The following ERI1 variants were observed in gnomAD, a reference collection of about 807,000 sequenced individuals.
The protein encoded by ERI1 is exoribonuclease 1.
Under a neutral mutation model 39.7 loss-of-function variants are expected in ERI1, and 39 were observed. The observed-to-expected ratio is 0.98, with a 90% confidence interval of 0.76 to 1.28. ERI1 has a LOEUF of 1.28. ERI1 is among the 50% of genes most tolerant of loss of function. The probability of loss-of-function intolerance (pLI) is 0.00; values close to 1 mark genes in which losing one functional copy is unlikely to be tolerated. For synonymous variants in ERI1, 204 were observed against 149.6 expected, an observed-to-expected ratio of 1.36 and a Z score of -2.65; for missense variants, 581 against 416.9, an observed-to-expected ratio of 1.39 and a Z score of -3.43.
chr8:9,065,558 A>C (rs1420165950), intron 3 of ERI1, among the ~76,000 whole-genome samples: 1 of 151,806 alleles, frequency 6.6e-6, no homozygotes, highest in Non-Finnish European at 1.5e-5. Context: ...AGCCAGGCGT[A>C]GTGGGGGGCG....
At chr8:9,041,881 T>C (rs1332005131) in intron 3 of ERI1, among the ~76,000 whole-genome samples, 1 of 152,140 alleles carries the variant, frequency 6.6e-6, no homozygotes, top group East Asian at 1.9e-4. Flanking sequence ...AATACAGGCA[T>C]GCACCACCAC....
intron 3 of ERI1, among the ~76,000 whole-genome samples, chr8:9,085,832 C>G (rs1026267139): frequency 2.0e-5 from 3 of 152,098 alleles, no homozygotes; most frequent in African/African-American, 7.2e-5. Flanking sequence ...CTTTCCTTAG[C>G]TGAGGTCTGT....
intron 3 of ERI1, among the ~76,000 whole-genome samples, chr8:9,042,209 A>C (rs962664284): frequency 1.3e-5 from 2 of 152,220 alleles, no homozygotes; most frequent in Admixed American, 6.5e-5. Flanking sequence ...TGGAGGCTGC[A>C]TTGCCAGAAT....
chr8:9,022,484 C>T (rs1357247310), intron 6 of ERI1, among the ~76,000 whole-genome samples: 2 of 152,142 alleles, frequency 1.3e-5, no homozygotes, highest in African/African-American at 2.4e-5. Context: ...CACTGCAACC[C>T]TGTCTCTTGG....
chr8:9,059,039 G>A (rs1004576216), intron 3 of ERI1, among the ~76,000 whole-genome samples: 3 of 151,950 alleles, frequency 2.0e-5, no homozygotes, highest in South Asian at 2.1e-4. Context: ...GGGTGGGGCC[G>A]TTTTATAGGA....
intron 3 of ERI1, chr8:9,091,448 G>A (rs1799701601): frequency 6.6e-6 from 1 of 151,296 alleles, no homozygotes; most frequent in South Asian, 2.1e-4. Flanking sequence ...TTGCACCCAG[G>A]AGGAGGAGGA....
intron 6 of ERI1, among the ~76,000 whole-genome samples, chr8:9,021,269 A>G (rs1817862754): frequency 1.3e-5 from 2 of 152,166 alleles, no homozygotes; most frequent in Non-Finnish European, 2.9e-5. Flanking sequence ...GTAGTCTGTC[A>G]GGTTTTCTTT....
At chr8:9,066,415 C>T (rs1332467425) in intron 3 of ERI1, among the ~76,000 whole-genome samples, 1 of 152,170 alleles carries the variant, frequency 6.6e-6, no homozygotes, top group Non-Finnish European at 1.5e-5. Flanking sequence ...AGGACTCTGC[C>T]AATAAAATGG....
intron 3 of ERI1, among the ~76,000 whole-genome samples, chr8:9,071,927 G>C (rs992113028): frequency 6.6e-6 from 1 of 152,166 alleles, no homozygotes; most frequent in Admixed American, 6.6e-5. Context: ...ATTAGCAAGC[G>C]TGGTGGTGCG....
At chr8:9,009,311 C>G (rs987256659) in intron 2 of ERI1, among the ~76,000 whole-genome samples, 10 of 152,064 alleles carry the variant, frequency 6.6e-5, no homozygotes, top group Non-Finnish European at 1.2e-4. Context: ...TATTGGAGGT[C>G]TGGCCAGGTA....
chr8:9,007,053 A>G (rs1456091723), intron 1 of ERI1, among the ~76,000 whole-genome samples: 3 of 152,230 alleles, frequency 2.0e-5, no homozygotes, highest in African/African-American at 7.2e-5. Flanking sequence ...AACATAGCTA[A>G]TATTTGTGAT....
intron 2 of ERI1, among the ~76,000 whole-genome samples, chr8:9,008,478 TTTTTA>T (rs1408551178): frequency 9.2e-5 from 14 of 152,214 alleles, no homozygotes; most frequent in Admixed American, 9.2e-4. Context: ...GATAGAGTAT[TTTTTA>T]TTTTCTTTTT....
At chr8:9,048,942 G>A (rs950367769) in intron 3 of ERI1, among the ~76,000 whole-genome samples, 2 of 151,922 alleles carry the variant, frequency 1.3e-5, no homozygotes, top group African/African-American at 2.4e-5. Flanking sequence ...CACCGCGCTC[G>A]GCCAGCATTC....
intron 3 of ERI1, among the ~76,000 whole-genome samples, chr8:9,098,614 G>A (rs968914480): frequency 3.3e-5 from 5 of 151,992 alleles, no homozygotes; most frequent in African/African-American, 1.2e-4. Flanking sequence ...TACACCTTGG[G>A]TACAGTGTAC....
intron 3 of ERI1, chr8:9,099,924 C>T (rs1032127418): frequency 6.6e-6 from 1 of 151,786 alleles, no homozygotes; most frequent in African/African-American, 2.4e-5. Flanking sequence ...TCAGGGCCAT[C>T]ATTCTGTTCA....
chr8:9,038,085 A>C (rs536473336), downstream of ERI1, among the ~76,000 whole-genome samples: 1 of 152,326 alleles, frequency 6.6e-6, no homozygotes, highest in South Asian at 2.1e-4. Context: ...CATAGTATAA[A>C]TATTGACATT....
intron 5 of ERI1, among the ~76,000 whole-genome samples, chr8:9,019,883 T>C (rs751923080): frequency 5.3e-5 from 8 of 152,220 alleles, no homozygotes; most frequent in Non-Finnish European, 1.0e-4. Context: ...ACACAATCAG[T>C]ATTGTCCTTA....
downstream of ERI1, among the ~76,000 whole-genome samples, chr8:9,034,543 C>T (rs1797778680): frequency 6.6e-6 from 1 of 152,098 alleles, no homozygotes. Context: ...TTTGATGTTA[C>T]TATCATGGTG....
intron 6 of ERI1, among the ~76,000 whole-genome samples, chr8:9,029,333 A>C (rs528652773): frequency 6.6e-6 from 1 of 152,076 alleles, no homozygotes; most frequent in South Asian, 2.1e-4. Flanking sequence ...AGCTCTGAAA[A>C]TTTCAGGGTT....
Sources: gnomAD v4.1 joint callset for allele counts (sites outside exome capture counted in the v4.1 genomes callset) on GRCh38, gnomAD v4.1.1 for gene constraint, MANE v1.5 for transcripts, NCBI Gene and HGNC (gene_info 2026-07-23, HGNC 2026-07-21) for gene names.